Variants in AGAP2 observed in about 807,000 individuals in gnomAD.
AGAP2 encodes arf-GAP with GTPase, ANK repeat and PH domain-containing protein 2.
In AGAP2, 32 loss-of-function variants were observed where a neutral mutation model predicts 110.9. The observed-to-expected ratio is 0.29, with a 90% CI of 0.22 to 0.39. The LOEUF (loss-of-function observed/expected upper bound fraction) is 0.39, where lower values mean the gene tolerates loss of function less well. Ranked by LOEUF, AGAP2 falls within the 10% of genes least tolerant of loss-of-function variation. AGAP2 has a pLI of 1.00. For missense variants in AGAP2, 1,285 were observed against 1,638.5 expected (o/e 0.78, Z 3.72); for synonymous variants, 702 against 713.0 (o/e 0.98, Z 0.25).
Position 57,737,925 on chromosome 12 carries a change from G to A in AGAP2, c.322C>T (p.Pro108Ser), listed in dbSNP as rs1454671196. The change falls in exon 1 of 19, where the codon CCC (proline) becomes TCC (serine). Residue 108 changes from proline to serine, a missense_variant. Physicochemically the swap from Pro to Ser is moderately conservative, Grantham distance 74. Around this residue, in one of 7 missense-constraint regions of AGAP2, gnomAD observed 844 missense variants for 941.2 expected, o/e 0.90. Transcript: ENST00000547588. The surrounding 1 kb of genome is among the most constrained non-coding windows in gnomAD (Gnocchi z 5.9). ...ASPARPVSPAPGRRLSLWAVP... is the reference protein window; with the variant it reads ...ASPARPVSPASGRRLSLWAVP... ...GCCCAGAGGGAGAGGCGGCGGCCGGGAGCGGGGGAGACTGGGCGGGCCGGA... is the reference window on the plus strand; with the variant it reads ...GCCCAGAGGGAGAGGCGGCGGCCGGAAGCGGGGGAGACTGGGCGGGCCGGA... 16 of 1,391,570 alleles carry A rather than the reference G, an allele frequency of 1.1e-5. No homozygotes were observed. The highest frequency in any genetic ancestry group is 1.5e-5 in the Non-Finnish European group (16 of 1,084,066). The allele number at this position is 1,391,570 out of a possible 1,614,324, so 86.2% of individuals were successfully genotyped here. A position where few individuals can be genotyped will look rare whatever the true frequency, so the allele number is the denominator to read the frequency against.
chr12:57,741,997 A>G (rs202179618), upstream of AGAP2: 39 of 1,613,932 alleles, frequency 2.4e-5, no homozygotes, highest in Non-Finnish European at 3.2e-5. Flanking sequence ...GGCGGTTTAG[A>G]GCCTGCTTGG....
chr12:57,727,355 C>G lies in AGAP2; in HGVS notation c.3080+5G>C. 1 of 1,608,906 alleles carries G rather than the reference C, an allele frequency of 6.2e-7. No homozygotes were observed. Among genetic ancestry groups the G allele is most frequent in the Non-Finnish European group, 8.5e-7 (1 of 1,178,014 alleles). On this transcript the variant is annotated splice_donor_5th_base_variant and intron_variant, in intron 17 of 18. Coordinates refer to ENST00000547588, the MANE Select transcript of AGAP2 (RefSeq NM_001122772.3). ...CCTCCCCCCGCTCTGTTCCCTCACG[C>G]TTACCGCGAAGAGTCCCGCGAGGGC... is the stretch of plus-strand genomic sequence containing the variant.
upstream of AGAP2, chr12:57,741,930 AG>A: frequency 6.2e-7 from 1 of 1,613,928 alleles, no homozygotes; most frequent in East Asian, 2.2e-5. Flanking sequence ...CTGTCCAATG[AG>A]GCCTGGATGC....
At chr12:57,733,862 G>A (rs2140361978) in intron 5 of AGAP2, among the ~76,000 whole-genome samples, 164 bp downstream of exon 5, 1 of 152,288 alleles carries the variant, frequency 6.6e-6, no homozygotes, top group Admixed American at 6.5e-5. Context: ...GTTATTGTTT[G>A]GTTTCATGAC....
chr12:57,728,958 G>A (rs1392074189), intron 13 of AGAP2, among the ~76,000 whole-genome samples: 3 of 151,986 alleles, frequency 2.0e-5, no homozygotes, highest in African/African-American at 4.8e-5. Context: ...GGCAGATCAC[G>A]AGGTCAGGAG....
At chr12:57,729,831 C>G (rs547205747) in intron 12 of AGAP2, 64 bp from the exon 13 acceptor site, 1 of 1,543,604 alleles carries the variant, frequency 6.5e-7, no homozygotes, top group Non-Finnish European at 8.7e-7. Context: ...TTCTTGATAG[C>G]CTGTCTCATT....
chr12:57,736,385 C>T (rs557192833), intron 1 of AGAP2, among the ~76,000 whole-genome samples: 13 of 152,358 alleles, frequency 8.5e-5, no homozygotes, highest in Non-Finnish European at 1.5e-4. Context: ...GTACGGATTG[C>T]CTTTGCAGCA....
At chr12:57,741,805 G>T, upstream of AGAP2, 1 of 1,296,856 alleles carries the variant, frequency 7.7e-7, no homozygotes, top group Non-Finnish European at 1.1e-6. Flanking sequence ...GTCCCATCTT[G>T]GGGACTAGGA....
Position 57,730,594 on chromosome 12 carries a change from T to C in AGAP2, c.2329A>G (p.Ser777Gly). 1.2e-6 allele frequency: 2 copies of C among 1,613,900 alleles called. No homozygotes were observed. Among genetic ancestry groups the C allele is most frequent in the Non-Finnish European group, 1.7e-6 (2 of 1,179,920 alleles). The change falls in exon 12 of 19, where the codon AGC (serine) becomes GGC (glycine). Residue 777 changes from serine to glycine, a missense_variant. By Grantham distance (56) the Ser-to-Gly change is moderately conservative (BLOSUM62 0). Around this residue, in one of 7 missense-constraint regions of AGAP2, gnomAD observed 135 missense variants for 182.0 expected, o/e 0.74. Coordinates refer to ENST00000547588, the MANE Select transcript of AGAP2 (RefSeq NM_001122772.3). ...EGLEATTPMP[S>G]PSPSPSSLQP... ...AGGGAACTGGGGCTGGGGCTAGGGC[T>C]TGGCATGGGAGTAGTGGCTTCTGTC... is the stretch of plus-strand genomic sequence containing the variant.
chr12:57,729,040 G>A (rs1216755655), intron 13 of AGAP2, among the ~76,000 whole-genome samples: 1 of 151,974 alleles, frequency 6.6e-6, no homozygotes, highest in Non-Finnish European at 1.5e-5. Context: ...GCCGGGCATG[G>A]TGGCAAGTGC....
upstream of AGAP2, among the ~76,000 whole-genome samples, chr12:57,739,453 C>T (rs564194181): frequency 3.9e-5 from 6 of 152,218 alleles, no homozygotes; most frequent in Admixed American, 3.9e-4. Context: ...AAATGTTCCC[C>T]AGGGATGGGG....
Position 57,738,699 on chromosome 12 carries a change from G to T in AGAP2, c.-453C>A, listed in dbSNP as rs1955037752. Among the ~76,000 whole-genome samples the T allele has an allele frequency of 6.6e-6, 1 of 151,994 alleles. No homozygotes were observed. The highest frequency in any genetic ancestry group is 2.4e-5 in the African/African-American group (1 of 41,366). Reference sequence around the variant, plus strand: ...TTGGGACTCAAGGGACAGGGGCCGCGGATGCGGTCGGAAAGAGGGTCTAGA... The same window carrying T: ...TTGGGACTCAAGGGACAGGGGCCGCTGATGCGGTCGGAAAGAGGGTCTAGA... On this transcript the variant is annotated 5_prime_UTR_variant, in exon 1 of 19. Coordinates refer to ENST00000547588, the MANE Select transcript of AGAP2 (RefSeq NM_001122772.3). This position sits in a 1 kb window ranked among gnomAD's most constrained non-coding sequence, Gnocchi z 6.7.
Position 57,732,463 on chromosome 12 carries a change from G to T in AGAP2, c.1734C>A (p.Ala578=). ...TLRKQQQLLA[A]CKSLPSSPSH... ...TTGGGGAGCTGGGCAGGGACTTGCA[G>T]GCAGCCAGAAGCTGTTGCTGCTTGC... The change falls in exon 7 of 19, where the codon GCC becomes GCA. Residue 578 remains alanine, a synonymous_variant. Coordinates refer to ENST00000547588, the MANE Select transcript of AGAP2 (RefSeq NM_001122772.3). 1 of 1,598,080 alleles carries T rather than the reference G, an allele frequency of 6.3e-7. No individual in the cohort carries two copies. Among genetic ancestry groups the T allele is most frequent in the Non-Finnish European group, 8.5e-7 (1 of 1,172,076 alleles).
chr12:57,728,450 G>C (rs1954817913), intron 13 of AGAP2, 73 bp from the exon 14 acceptor site: 1 of 1,508,686 alleles, frequency 6.6e-7, no homozygotes, highest in Non-Finnish European at 9.2e-7. Flanking sequence ...AAGAAAGAAG[G>C]AGAAAAAGAC....
In AGAP2 at chr12:57,738,282, G is replaced by A; in HGVS notation, c.-36C>T. On this transcript the variant is annotated 5_prime_UTR_variant, in exon 1 of 19. Transcript: ENST00000547588. The surrounding 1 kb of genome is among the most constrained non-coding windows in gnomAD (Gnocchi z 6.7). ...GACCCCCGAGCTGGGGAGGGGAGGG[G>A]ACTCCCCCGGACTGCCTCAGGGGGG... 4 of 1,453,750 alleles carry A rather than the reference G, an allele frequency of 2.8e-6. No homozygotes were observed. Among genetic ancestry groups the A allele is most frequent in the Admixed American group, 2.5e-5 (1 of 40,214 alleles). The allele number at this position is 1,453,750 out of a possible 1,614,324, so 90.1% of individuals were successfully genotyped here.
At chr12:57,724,316 T>A (rs1183260568), downstream of AGAP2, 1 of 152,254 alleles carries the variant, frequency 6.6e-6, no homozygotes, top group Non-Finnish European at 1.5e-5. Flanking sequence ...CTCCTCAAGG[T>A]AGATAACAAC....
Position 57,727,372 on chromosome 12 carries a change from C to A in AGAP2, c.3068G>T (p.Arg1023Leu). The stretch of plus-strand genomic sequence containing the variant: ...CCCTCACGCTTACCGCGAAGAGTCC[C>A]GCGAGGGCTTGGCACGGCCTCGCGT... The part of the protein sequence containing the change: ...SDTRGRAKPS[R>L]DSSREERESW... The change falls in exon 17 of 19, where the codon CGG becomes CTG. Residue 1023 changes from arginine (R) to leucine (L), a missense_variant. By Grantham distance (102) the Arg-to-Leu change is moderately radical (BLOSUM62 -2). Transcript: ENST00000547588. 1.9e-6 allele frequency: 3 copies of A among 1,610,746 alleles called. No homozygotes were observed. The highest frequency in any genetic ancestry group is 2.5e-6 in the Non-Finnish European group (3 of 1,178,878).
At chr12:57,733,079 A>G (rs750157967) in intron 5 of AGAP2, 100 bp from the exon 6 acceptor site, 582 of 1,481,122 alleles carry the variant, frequency 3.9e-4, no homozygotes, top group Non-Finnish European at 5.1e-4. Flanking sequence ...GGCTGGGTCC[A>G]CTGGGGATGG....
intron 13 of AGAP2, among the ~76,000 whole-genome samples, chr12:57,728,987 AAC>A (rs1954829882): frequency 6.6e-6 from 1 of 152,028 alleles, no homozygotes; most frequent in Non-Finnish European, 1.5e-5. Context: ...CATCCTGGCT[AAC>A]ACAGTGAAAC....
Sources: gnomAD v4.1 joint callset for allele counts (sites outside exome capture counted in the v4.1 genomes callset) on GRCh38, gnomAD v4.1.1 for gene constraint, gnomAD v4.1.1 regional missense constraint, Gnocchi (gnomAD v3.1) non-coding constraint, MANE v1.5 for transcripts, NCBI Gene and HGNC (gene_info 2026-07-23, HGNC 2026-07-21) for gene names.